The following DEUP1 variants were observed in gnomAD, a reference collection of about 807,000 sequenced individuals.
DEUP1 encodes coiled-coil domain containing 67.
DEUP1 carries 82 observed loss-of-function variants against 87.4 expected under a neutral mutation model. The observed-to-expected ratio is 0.94, with a 90% CI of 0.78 to 1.13. DEUP1 has a LOEUF of 1.13. Among genes scored for constraint, DEUP1 ranks in the 50% most tolerant of loss-of-function variants. The pLI is 0.00. For missense variants in DEUP1, 663 were observed against 681.5 expected (o/e 0.97, Z 0.30); for synonymous variants, 214 against 222.7 (o/e 0.96, Z 0.35).
chr11:93,389,440 C>A (rs1946700556), intron 9 of DEUP1, among the ~76,000 whole-genome samples: 1 of 152,162 alleles, frequency 6.6e-6, no homozygotes, highest in Non-Finnish European at 1.5e-5. Context: ...CACACGTAAG[C>A]TTGGAGAAGT....
chr11:93,403,084 T>C (rs1947171769), intron 11 of DEUP1, among the ~76,000 whole-genome samples: 1 of 152,002 alleles, frequency 6.6e-6, no homozygotes, highest in South Asian at 2.1e-4. Context: ...CTCTACAAAT[T>C]ATTTAAATGT....
intron 2 of DEUP1, among the ~76,000 whole-genome samples, chr11:93,336,312 G>A (rs368976393): frequency 7.2e-5 from 11 of 151,980 alleles, no homozygotes; most frequent in African/African-American, 2.7e-4. Flanking sequence ...GGGGAAGTTC[G>A]CCCTCATGAT....
intron 9 of DEUP1, 118 bp from the exon 10 acceptor site, chr11:93,394,341 G>T: frequency 1.6e-6 from 1 of 628,042 alleles, no homozygotes; most frequent in Non-Finnish European, 2.7e-6. Context: ...CAGAAAAGGA[G>T]GGTGAAGTGG....
intron 7 of DEUP1, among the ~76,000 whole-genome samples, chr11:93,380,370 C>A (rs541998898): frequency 6.6e-6 from 1 of 151,708 alleles, no homozygotes; most frequent in Non-Finnish European, 1.5e-5. Flanking sequence ...GAAATTTCAT[C>A]CTGCTCTGTT....
Position 93,344,320 on chromosome 11 carries a change from A to G in DEUP1, c.30-11051A>G, listed in dbSNP as rs553877737. Among the ~76,000 whole-genome samples, 6 of 152,310 alleles carry G rather than the reference A, an allele frequency of 3.9e-5. No individual in the cohort carries two copies. The South Asian group carries it at 1.2e-3, about 32-fold the overall frequency. ...CCAAGAAAAGTTAAATTATATTAGT[A>G]TAGCCTATTAACTAAGGCAAATAAG... On this transcript the variant is annotated intron_variant, in intron 2 of 13. Coordinates refer to ENST00000298050, the MANE Select transcript of DEUP1 (RefSeq NM_181645.4).
chr11:93,402,856 A>G (rs2134396647), intron 11 of DEUP1, among the ~76,000 whole-genome samples: 1 of 152,020 alleles, frequency 6.6e-6, no homozygotes, highest in South Asian at 2.1e-4. Context: ...GGTGGTTACC[A>G]GAGGCTAAGA....
At chr11:93,362,239 T>G (rs1055993967) in intron 4 of DEUP1, among the ~76,000 whole-genome samples, 1 of 152,020 alleles carries the variant, frequency 6.6e-6, no homozygotes, top group African/African-American at 2.4e-5. Context: ...TTAAAACTTT[T>G]GTGCTTCAAA....
intron 8 of DEUP1, among the ~76,000 whole-genome samples, chr11:93,387,474 G>T (rs1946615618): frequency 6.6e-6 from 1 of 151,790 alleles, no homozygotes; most frequent in East Asian, 1.9e-4. Flanking sequence ...AAGCACCCTG[G>T]GTTGATATGT....
chr11:93,372,930 G>C (rs919909479), intron 7 of DEUP1, among the ~76,000 whole-genome samples: 3 of 152,180 alleles, frequency 2.0e-5, no homozygotes, highest in Non-Finnish European at 4.4e-5. Context: ...GCCCACCTCC[G>C]ACTGTCTGAG....
intron 13 of DEUP1, among the ~76,000 whole-genome samples, chr11:93,432,786 A>G (rs1370725365): frequency 6.6e-6 from 1 of 152,206 alleles, no homozygotes; most frequent in African/African-American, 2.4e-5. Context: ...AAATGAGGTC[A>G]GAGAAATGCT....
In DEUP1 at chr11:93,370,179, A is replaced by G. The variant is rs1468426983; in HGVS notation, c.539A>G (p.Gln180Arg). The G allele has an allele frequency of 1.3e-6, 2 of 1,509,246 alleles. No individual in the cohort carries two copies. The highest frequency in any genetic ancestry group is 4.5e-5 in the East Asian group (2 of 44,068). The allele number at this position is 1,509,246 out of a possible 1,614,324, so 93.5% of individuals were successfully genotyped here. The change falls in exon 6 of 14, where the codon CAG becomes CGG. Residue 180 changes from glutamine (Q) to arginine (R), a missense_variant. Transcript: ENST00000298050. ...QQKLLSEKCN[Q>R]FQKQAQSYQT... is the part of the protein sequence containing the mutation. ...AAATTATTATCTGAGAAGTGTAATC[A>G]GTTTCAGGTAAGTTATCTAATACTA...
intron 13 of DEUP1, among the ~76,000 whole-genome samples, chr11:93,428,700 A>G (rs1473788568): frequency 6.6e-6 from 1 of 152,210 alleles, no homozygotes; most frequent in Non-Finnish European, 1.5e-5. Context: ...ATCACAATCT[A>G]ATTTTGAAAT....
chr11:93,352,171 G>A, intron 2 of DEUP1: 1 of 524,988 alleles, frequency 1.9e-6, no homozygotes, highest in Middle Eastern at 3.3e-4. Context: ...AGGAAATGCT[G>A]TCATGTGGCA....
intron 7 of DEUP1, chr11:93,383,623 T>TATTTCA (rs1483364804): frequency 1.5e-6 from 1 of 669,474 alleles, no homozygotes; most frequent in Non-Finnish European, 2.7e-6. Context: ...ATGTGGATTA[T>TATTTCA]ATTTCAATGA....
At chr11:93,334,060 G>C (rs551005154) in intron 2 of DEUP1, among the ~76,000 whole-genome samples, 1 of 152,278 alleles carries the variant, frequency 6.6e-6, no homozygotes, top group East Asian at 1.9e-4. Flanking sequence ...TGGGTATGGT[G>C]TAATTACAAC....
intron 13 of DEUP1, among the ~76,000 whole-genome samples, chr11:93,434,662 C>T (rs553365897): frequency 5.3e-5 from 8 of 152,202 alleles, no homozygotes; most frequent in Non-Finnish European, 1.0e-4. Context: ...AGAAGCATTC[C>T]GCCTCTAAGA....
intron 2 of DEUP1, among the ~76,000 whole-genome samples, chr11:93,351,205 T>C (rs771515430): frequency 1.4e-4 from 22 of 152,056 alleles, no homozygotes; most frequent in Non-Finnish European, 2.8e-4. Context: ...TTCTAACTTC[T>C]GCATAGCATA....
At chr11:93,412,953 ATGT>A (rs779147150) in intron 12 of DEUP1, among the ~76,000 whole-genome samples, 3 of 152,284 alleles carry the variant, frequency 2.0e-5, no homozygotes, top group Admixed American at 6.5e-5. Context: ...AATGGAAAAC[ATGT>A]TGTATTTGTT....
chr11:93,344,852 T>G (rs999358656), intron 2 of DEUP1, among the ~76,000 whole-genome samples: 1 of 152,110 alleles, frequency 6.6e-6, no homozygotes, highest in African/African-American at 2.4e-5. Context: ...ATTTTCCTTT[T>G]TTTTTTTAAC....
Sources: gnomAD v4.1 joint callset for allele counts (sites outside exome capture counted in the v4.1 genomes callset) on GRCh38, gnomAD v4.1.1 for gene constraint, MANE v1.5 for transcripts, NCBI Gene and HGNC (gene_info 2026-07-23, HGNC 2026-07-21) for gene names.